SPOCK1: variants seen among roughly 807,000 people sequenced by gnomAD.
SPOCK1 encodes SPARC (osteonectin), cwcv and kazal like domains proteoglycan 1.
In SPOCK1, 23 loss-of-function variants were observed where a neutral mutation model predicts 55.3. The ratio of observed to expected loss-of-function variants is 0.42; its 90% CI spans 0.30 to 0.59. The LOEUF (loss-of-function observed/expected upper bound fraction) is 0.59, where lower values mean the gene tolerates loss of function less well. Ranked by LOEUF, SPOCK1 falls within the 20% of genes least tolerant of loss-of-function variation. The pLI is 0.22. For synonymous variants in SPOCK1, 226 were observed against 221.0 expected (o/e 1.02, Z -0.20); for missense variants, 499 against 552.5 (o/e 0.90, Z 0.97).
chr5:137,279,877 T>C (rs1757136086), intron 2 of SPOCK1, among the ~76,000 whole-genome samples: 1 of 152,186 alleles, frequency 6.6e-6, no homozygotes, highest in Non-Finnish European at 1.5e-5. Context: ...TTATGAAGCA[T>C]AATTAAAACC....
chr5:137,321,933 T>C (rs1348171293), intron 2 of SPOCK1, among the ~76,000 whole-genome samples: 1 of 151,252 alleles, frequency 6.6e-6, no homozygotes, highest in Non-Finnish European at 1.5e-5. Context: ...TTTTCAAAAA[T>C]TAAGAAAAAT....
At chr5:137,376,071 G>A (rs1751307751) in intron 2 of SPOCK1, among the ~76,000 whole-genome samples, 1 of 152,202 alleles carries the variant, frequency 6.6e-6, no homozygotes, top group African/African-American at 2.4e-5. Flanking sequence ...AGTAAAATGG[G>A]CATACATGAC....
At chr5:137,029,440 G>C (rs1751735808) in intron 6 of SPOCK1, among the ~76,000 whole-genome samples, 2 of 152,188 alleles carry the variant, frequency 1.3e-5, no homozygotes, top group Non-Finnish European at 2.9e-5. Context: ...CATCTTGACT[G>C]ATCCTTACAA....
intron 3 of SPOCK1, among the ~76,000 whole-genome samples, chr5:137,259,067 C>T (rs1224639386): frequency 2.0e-5 from 3 of 152,210 alleles, no homozygotes; most frequent in African/African-American, 7.2e-5. Context: ...CATACCTACT[C>T]CTTGGCCCTT....
chr5:137,296,911 C>T (rs1410224854), intron 2 of SPOCK1, among the ~76,000 whole-genome samples: 2 of 152,154 alleles, frequency 1.3e-5, no homozygotes, highest in Non-Finnish European at 2.9e-5. Context: ...GAGATAGGCA[C>T]AGCTAATCCC....
chr5:137,011,415 T>G (rs1256431309), intron 6 of SPOCK1, among the ~76,000 whole-genome samples: 2 of 152,148 alleles, frequency 1.3e-5, no homozygotes, highest in African/African-American at 4.8e-5. Flanking sequence ...ATAACGTGCC[T>G]TGAGATTGAA....
At chr5:137,147,309 G>A (rs1031345072) in intron 3 of SPOCK1, among the ~76,000 whole-genome samples, 1 of 152,194 alleles carries the variant, frequency 6.6e-6, no homozygotes, top group African/African-American at 2.4e-5. Flanking sequence ...GAACATATTA[G>A]GCAAAAATGT....
chr5:137,141,602 T>G (rs1163736225), intron 3 of SPOCK1, among the ~76,000 whole-genome samples: 1 of 152,148 alleles, frequency 6.6e-6, no homozygotes, highest in Non-Finnish European at 1.5e-5. Flanking sequence ...GCATATAAAA[T>G]GATAACAGAG....
intron 3 of SPOCK1, among the ~76,000 whole-genome samples, chr5:137,197,420 AG>A (rs1203438160): frequency 6.6e-6 from 1 of 152,200 alleles, no homozygotes; most frequent in African/African-American, 2.4e-5. Flanking sequence ...ACCGTGGACA[AG>A]TCACTGTGCC....
intron 3 of SPOCK1, among the ~76,000 whole-genome samples, chr5:137,160,543 ATATATAAT>A: frequency 2.0e-5 from 1 of 49,394 alleles, no homozygotes; most frequent in Middle Eastern, 0.01. Context: ...AATATATAAT[ATATATAAT>A]ATATATTATA....
At chr5:137,127,778 G>A (rs1193022822) in intron 4 of SPOCK1, among the ~76,000 whole-genome samples, 1 of 152,164 alleles carries the variant, frequency 6.6e-6, no homozygotes, top group Non-Finnish European at 1.5e-5. Context: ...GTTCACAGCT[G>A]GAGAGCAATT....
At chr5:137,186,754 A>G (rs1035171961) in intron 3 of SPOCK1, among the ~76,000 whole-genome samples, 13 of 152,162 alleles carry the variant, frequency 8.5e-5, no homozygotes, top group African/African-American at 3.1e-4. Flanking sequence ...CAAGGCAGTG[A>G]GCTAGGTGCT....
chr5:137,109,350 A>AT (rs1450250116), intron 5 of SPOCK1, among the ~76,000 whole-genome samples: 1 of 152,116 alleles, frequency 6.6e-6, no homozygotes. Flanking sequence ...GTTTTTTTCT[A>AT]TTGCAAAGCT....
At chr5:137,131,466 G>A (rs1368164966) in intron 4 of SPOCK1, among the ~76,000 whole-genome samples, 1 of 151,884 alleles carries the variant, frequency 6.6e-6, no homozygotes, top group African/African-American at 2.4e-5. Flanking sequence ...AAATTAGCCA[G>A]GCATGGTGGC....
intron 2 of SPOCK1, among the ~76,000 whole-genome samples, chr5:137,458,573 T>G (rs934169812): frequency 6.6e-6 from 1 of 152,222 alleles, no homozygotes; most frequent in South Asian, 2.1e-4. Flanking sequence ...TAAAAACTCA[T>G]GTGCTACTAA....
At chr5:137,267,573 T>G (rs1326631665) in intron 2 of SPOCK1, among the ~76,000 whole-genome samples, 1 of 152,240 alleles carries the variant, frequency 6.6e-6, no homozygotes, top group African/African-American at 2.4e-5. Flanking sequence ...ACATTTAGCT[T>G]AATACCATTT....
At chr5:137,200,653 T>C (rs974141156) in intron 3 of SPOCK1, among the ~76,000 whole-genome samples, 15 of 152,222 alleles carry the variant, frequency 9.9e-5, no homozygotes, top group African/African-American at 3.4e-4. Flanking sequence ...ATTTTAATTT[T>C]TTTATTTCCA....
intron 3 of SPOCK1, among the ~76,000 whole-genome samples, chr5:137,217,264 T>C (rs547313416): frequency 6.6e-6 from 1 of 152,370 alleles, no homozygotes; most frequent in South Asian, 2.1e-4. Context: ...CCCGTGGTTG[T>C]AGGAGCACTG....
At chr5:137,058,241 A>G (rs1379171890) in intron 6 of SPOCK1, among the ~76,000 whole-genome samples, 1 of 152,192 alleles carries the variant, frequency 6.6e-6, no homozygotes, top group South Asian at 2.1e-4. Flanking sequence ...TAAGGGTAAG[A>G]GCACAAGTTC....
Sources: gnomAD v4.1 joint callset for allele counts (sites outside exome capture counted in the v4.1 genomes callset) on GRCh38, gnomAD v4.1.1 for gene constraint, MANE v1.5 for transcripts, NCBI Gene and HGNC (gene_info 2026-07-23, HGNC 2026-07-21) for gene names.